The following PLXNA4 variants were observed in gnomAD, a reference collection of about 807,000 sequenced individuals.
The protein encoded by PLXNA4 is plexin-A4.
PLXNA4 carries 44 observed loss-of-function variants against 191.8 expected under a neutral mutation model. That is an observed-to-expected ratio of 0.23 (90% CI 0.18 to 0.29). The LOEUF (loss-of-function observed/expected upper bound fraction) is 0.29. Ranked by LOEUF, PLXNA4 falls within the 10% of genes least tolerant of loss-of-function variation. The pLI, the probability that PLXNA4 is intolerant of heterozygous loss-of-function variation, is 1.00. For missense variants in PLXNA4, 1,800 were observed against 2,488.8 expected (o/e 0.72, Z 5.89); for synonymous variants, 1,082 against 1,009.5 (o/e 1.07, Z -1.36).
chr7:132,298,708 C>T (rs1437719290), intron 3 of PLXNA4, among the ~76,000 whole-genome samples: 1 of 152,236 alleles, frequency 6.6e-6, no homozygotes, highest in Non-Finnish European at 1.5e-5. Flanking sequence ...AGGCAGGGGG[C>T]CAACCCCAAA....
At chr7:132,578,201 A>G (rs1465025425), upstream of PLXNA4, among the ~76,000 whole-genome samples, 1 of 152,016 alleles carries the variant, frequency 6.6e-6, no homozygotes, top group African/African-American at 2.4e-5. Context: ...ACCAAGAGAA[A>G]CCGAAGGGAT....
At chr7:132,352,804 A>C (rs764062321) in intron 3 of PLXNA4, among the ~76,000 whole-genome samples, 2 of 152,172 alleles carry the variant, frequency 1.3e-5, no homozygotes, top group Non-Finnish European at 2.9e-5. Context: ...AGGAGGCTTA[A>C]TAACGTTTAG....
At chr7:132,518,668 A>G (rs1396949978) in intron 1 of PLXNA4, among the ~76,000 whole-genome samples, 1 of 152,152 alleles carries the variant, frequency 6.6e-6, no homozygotes, top group African/African-American at 2.4e-5. Context: ...CTTCATCCTT[A>G]CTTCCTAGTT....
At position 132,626,577 on chromosome 7, in the gene PLXNA4, T is replaced by C. The variant is rs796265937; in HGVS notation, c.-87+19351A>G. ...AGTGTGCAGCATCTCCCCACATCTC[T>C]CTTGCTCCTGCTCCGGCCATGTAAT... On this transcript the variant is annotated intron_variant, in intron 2 of 4. Coordinates refer to the PLXNA4 transcript ENST00000378539. Among the ~76,000 whole-genome samples, 3 of 152,170 alleles carry C rather than the reference T, an allele frequency of 2.0e-5. No homozygotes were observed. In the South Asian group the frequency reaches 6.2e-4, roughly 32 times the overall value.
chr7:132,479,582 C>T (rs1797259800), intron 3 of PLXNA4, among the ~76,000 whole-genome samples: 1 of 152,188 alleles, frequency 6.6e-6, no homozygotes, highest in South Asian at 2.1e-4. Context: ...AGAATGCCGC[C>T]CGGCAGTGGG....
chr7:132,184,999 C>T (rs73723720), intron 16 of PLXNA4, among the ~76,000 whole-genome samples: 10,842 of 152,196 alleles, frequency 0.071, 959 homozygotes, highest in African/African-American at 0.18. Context: ...TAGCCTGGCA[C>T]CCCCAGCAGT....
chr7:132,637,015 C>T (rs994215159), intron 2 of PLXNA4, among the ~76,000 whole-genome samples: 16 of 152,144 alleles, frequency 1.1e-4, no homozygotes, highest in African/African-American at 3.1e-4. Context: ...TATTGTTTGA[C>T]GCTGAAACAG....
At chr7:132,176,944 G>A (rs182809055) in intron 20 of PLXNA4, among the ~76,000 whole-genome samples, 5 of 152,130 alleles carry the variant, frequency 3.3e-5, no homozygotes, top group South Asian at 2.1e-4. Context: ...GTGTGTGCAC[G>A]CCTGCAAGTT....
At position 132,470,442 on chromosome 7, in the gene PLXNA4, C is replaced by T. The variant is rs1012840678; in HGVS notation, c.1371+18850G>A. On this transcript the variant is annotated intron_variant, in intron 3 of 31. Transcript: ENST00000321063. Reference sequence around the variant, plus strand: ...CCAAAATGCCATCCCCCAAACTTCACACCTATCCCCAATCAGTTTTGCAGA... The same window carrying T: ...CCAAAATGCCATCCCCCAAACTTCATACCTATCCCCAATCAGTTTTGCAGA... 4.6e-5 allele frequency among the ~76,000 whole-genome samples: 7 copies of T among 152,344 alleles called. No homozygotes were observed. In the East Asian group the frequency reaches 5.8e-4, roughly 13 times the overall value.
chr7:132,627,301 G>A (rs1380727780), intron 2 of PLXNA4, among the ~76,000 whole-genome samples: 2 of 152,074 alleles, frequency 1.3e-5, no homozygotes, highest in Non-Finnish European at 2.9e-5. Flanking sequence ...GAAAGATGAA[G>A]GTTTAGATCT....
chr7:132,347,831 C>T (rs940457151), intron 3 of PLXNA4, among the ~76,000 whole-genome samples: 3 of 152,152 alleles, frequency 2.0e-5, no homozygotes, highest in Admixed American at 6.5e-5. Context: ...CTCCTTCTCC[C>T]CTTTTATACA....
chr7:132,227,636 G>C, intron 6 of PLXNA4, 32 bp from the exon 7 acceptor site: 1 of 1,613,828 alleles, frequency 6.2e-7, no homozygotes, highest in Non-Finnish European at 8.5e-7. Flanking sequence ...GAGAGAAGGA[G>C]GAGGGTGAAA....
intron 4 of PLXNA4, among the ~76,000 whole-genome samples, chr7:132,251,555 C>A (rs992141963): frequency 1.7e-4 from 26 of 152,176 alleles, no homozygotes; most frequent in African/African-American, 6.0e-4. Flanking sequence ...GCAGGCACTC[C>A]CTTCTCCATC....
chr7:132,344,914 G>A (rs1409910424), intron 3 of PLXNA4, among the ~76,000 whole-genome samples: 1 of 152,160 alleles, frequency 6.6e-6, no homozygotes, highest in African/African-American at 2.4e-5. Context: ...ACCCCAGTAA[G>A]AGGAATGAGG....
intron 3 of PLXNA4, among the ~76,000 whole-genome samples, chr7:132,326,948 A>AAAGGGAGAGC (rs1802385570): frequency 7.0e-6 from 1 of 142,016 alleles, no homozygotes; most frequent in Non-Finnish European, 1.6e-5. Context: ...AAAGGGAGAG[A>AAAGGGAGAGC]GGGAAGAAGG....
intron 3 of PLXNA4, among the ~76,000 whole-genome samples, chr7:132,393,793 G>T (rs780131780): frequency 7.9e-5 from 12 of 152,122 alleles, no homozygotes; most frequent in Non-Finnish European, 1.8e-4. Context: ...GTTCAGCCTG[G>T]ATGAAACTAG....
chr7:132,611,162 T>C (rs1042865698), intron 2 of PLXNA4, among the ~76,000 whole-genome samples: 2 of 152,212 alleles, frequency 1.3e-5, no homozygotes, highest in African/African-American at 4.8e-5. Flanking sequence ...TGGTTTTCTT[T>C]AGCAACACTG....
intron 29 of PLXNA4, 131 bp from the exon 30 acceptor site, chr7:132,140,942 G>T: frequency 2.1e-6 from 3 of 1,444,262 alleles, no homozygotes; most frequent in Non-Finnish European, 1.8e-6. Context: ...TCTATGCTGC[G>T]GATGGGATGT....
intron 3 of PLXNA4, among the ~76,000 whole-genome samples, chr7:132,433,223 C>T (rs1389025565): frequency 6.6e-6 from 1 of 152,314 alleles, no homozygotes; most frequent in Non-Finnish European, 1.5e-5. Flanking sequence ...AGATCACTCA[C>T]CGCTTTTGAC....
Sources: allele counts gnomAD v4.1 joint callset (sites outside exome capture counted in the v4.1 genomes callset), GRCh38; gene constraint gnomAD v4.1.1; transcripts MANE v1.5; gene names NCBI Gene and HGNC (gene_info 2026-07-23, HGNC 2026-07-21).